Variants in CNTN1 observed in about 807,000 individuals in gnomAD.
CNTN1 encodes the protein contactin 1, also known as contactin-1.
In CNTN1, 38 loss-of-function variants were observed where a neutral mutation model predicts 126.4. The observed-to-expected ratio is 0.30, with a 90% confidence interval of 0.23 to 0.39. CNTN1 has a LOEUF of 0.39. Among genes scored for constraint, CNTN1 ranks in the 10% least tolerant of loss-of-function variants. The pLI is 1.00. For synonymous variants in CNTN1, 413 were observed against 422.6 expected (o/e 0.98, Z 0.28); for missense variants, 1,009 against 1,248.4 (o/e 0.81, Z 2.89).
At chr12:41,063,391 T>C (rs1340840177) in intron 23 of CNTN1, among the ~76,000 whole-genome samples, 1 of 152,246 alleles carries the variant, frequency 6.6e-6, no homozygotes, top group Non-Finnish European at 1.5e-5. Flanking sequence ...CAGAATATAA[T>C]TCCTGTGTGA....
At chr12:40,972,675 C>T in intron 15 of CNTN1, 6 of 963,314 alleles carry the variant, frequency 6.2e-6, no homozygotes, top group Non-Finnish European at 7.4e-6. Context: ...ATTACTGTTC[C>T]AAAAGGAGCT....
chr12:40,853,251 A>C (rs1592160997), intron 1 of CNTN1, among the ~76,000 whole-genome samples: 1 of 152,284 alleles, frequency 6.6e-6, no homozygotes, highest in African/African-American at 2.4e-5. Context: ...CCTAAGAGCA[A>C]GAGGGAAGGA....
chr12:40,965,213 T>C (rs181380550), intron 15 of CNTN1, among the ~76,000 whole-genome samples: 1 of 152,140 alleles, frequency 6.6e-6, no homozygotes, highest in Non-Finnish European at 1.5e-5. Context: ...GAACTAATCC[T>C]ATGGGTTATC....
At chr12:40,955,347 A>G (rs1409823580) in intron 14 of CNTN1, among the ~76,000 whole-genome samples, 1 of 152,114 alleles carries the variant, frequency 6.6e-6, no homozygotes, top group Non-Finnish European at 1.5e-5. Context: ...AAAAGTTAGA[A>G]GTTCAGTTTT....
At chr12:40,917,123 T>C (rs1441968456) in intron 3 of CNTN1, among the ~76,000 whole-genome samples, 2 of 151,614 alleles carry the variant, frequency 1.3e-5, no homozygotes, top group Non-Finnish European at 2.9e-5. Context: ...AATAAAAATG[T>C]ACTGAGTGTC....
rs562817672 is a variant in CNTN1, at chr12:41,010,890, C to T, written c.2114-3338C>T. ...GTTTTTTTTTTTAGAGGAACTGCTT[C>T]CCTTCCTATCGGGAATGGTGTTTCC... On this transcript the variant is annotated intron_variant, in intron 17 of 23. Coordinates refer to ENST00000551295, the MANE Select transcript of CNTN1 (RefSeq NM_001843.4). 1.8e-4 allele frequency among the ~76,000 whole-genome samples: 27 copies of T among 152,146 alleles called. No individual in the cohort carries two copies. In the East Asian group the frequency reaches 4.6e-3, roughly 26 times the overall value.
At chr12:41,019,284 C>T (rs1466159436) in intron 19 of CNTN1, among the ~76,000 whole-genome samples, 1 of 152,212 alleles carries the variant, frequency 6.6e-6, no homozygotes, top group Non-Finnish European at 1.5e-5. Flanking sequence ...CACCTTTTTA[C>T]TGCTTTACTT....
At chr12:40,837,572 C>A (rs758834803) in intron 1 of CNTN1, among the ~76,000 whole-genome samples, 5 of 152,200 alleles carry the variant, frequency 3.3e-5, no homozygotes, top group African/African-American at 4.8e-5. Flanking sequence ...TTTCTGAGAC[C>A]TAAGTGGCTA....
At position 41,021,301 on chromosome 12, in the gene CNTN1, G is replaced by GT. The variant is rs112042008; in HGVS notation, c.2523+871dup. Among the ~76,000 whole-genome samples, 106 of 148,432 alleles carry GT rather than the reference G, an allele frequency of 7.1e-4. 1 individual carries two copies. Among genetic ancestry groups the GT allele is most frequent in the East Asian group, 2.0e-3 (10 of 5,072 alleles). On this transcript the variant is annotated intron_variant, in intron 20 of 23. Transcript: ENST00000551295. The stretch of plus-strand genomic sequence containing the variant: ...ATTGCCACACATCACAGACTTCCCT[G>GT]TTTTTTTTTTCAGTGAGTGCTGTCT...
rs991863857 is a variant in CNTN1, at chr12:41,034,974, G to A, written c.2980+5755G>A. On this transcript the variant is annotated intron_variant, in intron 23 of 23. Coordinates refer to ENST00000551295, the MANE Select transcript of CNTN1 (RefSeq NM_001843.4). ...GTTGTTGGACAACTCCCAGCACAGGGAGTTTCCAGAGCCTTAATTGTCCTT... is the reference window on the plus strand; with the variant it reads ...GTTGTTGGACAACTCCCAGCACAGGAAGTTTCCAGAGCCTTAATTGTCCTT... Among the ~76,000 whole-genome samples, 7 of 152,190 alleles carry A rather than the reference G, an allele frequency of 4.6e-5. No homozygotes were observed. In the East Asian group the frequency reaches 1.2e-3, roughly 25 times the overall value.
chr12:41,043,764 G>C (rs904564631), intron 23 of CNTN1, among the ~76,000 whole-genome samples: 2 of 151,590 alleles, frequency 1.3e-5, no homozygotes, highest in Middle Eastern at 3.4e-3. Flanking sequence ...GTCCAACAAT[G>C]ATAGACTGGA....
chr12:41,000,774 C>A (rs1419476868), intron 17 of CNTN1, among the ~76,000 whole-genome samples: 2 of 152,142 alleles, frequency 1.3e-5, no homozygotes, highest in African/African-American at 4.8e-5. Context: ...CTGATTCTCT[C>A]CCAACTTCCA....
chr12:40,912,653 C>G (rs927496484), intron 3 of CNTN1, among the ~76,000 whole-genome samples: 2 of 151,754 alleles, frequency 1.3e-5, no homozygotes, highest in Admixed American at 1.3e-4. Flanking sequence ...AAACTATCTT[C>G]ATTGCTTAGC....
intron 1 of CNTN1, among the ~76,000 whole-genome samples, chr12:40,901,112 C>G (rs1314625003): frequency 6.6e-6 from 1 of 152,154 alleles, no homozygotes; most frequent in Non-Finnish European, 1.5e-5. Context: ...CTGACCAAAT[C>G]TCTCACATTT....
At chr12:40,938,617 A>T (rs1946160898) in intron 11 of CNTN1, among the ~76,000 whole-genome samples, 1 of 152,164 alleles carries the variant, frequency 6.6e-6, no homozygotes, top group Non-Finnish European at 1.5e-5. Flanking sequence ...TTCATTCAAC[A>T]TGTGGTTTAG....
At chr12:40,973,718 G>C (rs1406439412) in intron 15 of CNTN1, among the ~76,000 whole-genome samples, 1 of 152,054 alleles carries the variant, frequency 6.6e-6, no homozygotes, top group Non-Finnish European at 1.5e-5. Context: ...AGTAGTTTTG[G>C]GGGGTTTATT....
chr12:41,061,342 T>C (rs535965162), intron 23 of CNTN1, among the ~76,000 whole-genome samples: 1 of 152,156 alleles, frequency 6.6e-6, no homozygotes, highest in Non-Finnish European at 1.5e-5. Flanking sequence ...ATCCTGGTGA[T>C]CTGGTGTTTT....
chr12:41,042,222 A>C (rs536676369), intron 23 of CNTN1, among the ~76,000 whole-genome samples: 5 of 151,888 alleles, frequency 3.3e-5, no homozygotes, highest in Non-Finnish European at 2.9e-5. Flanking sequence ...GTAGTTGAGC[A>C]GTTTTGAGTG....
At chr12:41,065,302 G>A (rs776711083) in intron 23 of CNTN1, among the ~76,000 whole-genome samples, 45 of 152,254 alleles carry the variant, frequency 3.0e-4, no homozygotes, top group Non-Finnish European at 5.1e-4. Context: ...TGATCCACCC[G>A]CCTGGGCCTC....
Sources: allele counts gnomAD v4.1 joint callset (sites outside exome capture counted in the v4.1 genomes callset), GRCh38; gene constraint gnomAD v4.1.1; transcripts MANE v1.5; gene names NCBI Gene and HGNC (gene_info 2026-07-23, HGNC 2026-07-21).